Variants in TNK2 observed in about 807,000 individuals in gnomAD.
TNK2 encodes the protein tyrosine kinase non receptor 2.
TNK2 carries 83 observed loss-of-function variants against 101.8 expected under a neutral mutation model. That is an observed-to-expected ratio of 0.82 (90% CI 0.68 to 0.98). TNK2 has a LOEUF of 0.98. Among genes scored for constraint, TNK2 ranks in the 50% least tolerant of loss-of-function variants. TNK2 has a pLI of 0.00. For synonymous variants in TNK2, 804 were observed against 633.0 expected, an observed-to-expected ratio of 1.27 and a Z score of -4.06; for missense variants, 1,665 against 1,483.2, an observed-to-expected ratio of 1.12 and a Z score of -2.01.
chr3:195,892,504 C>T (rs1436193600), intron 1 of TNK2: 24 of 1,533,886 alleles, frequency 1.6e-5, no homozygotes, highest in Non-Finnish European at 1.7e-5. Flanking sequence ...CGCAGCGGGA[C>T]CCCCCCGAGC....
intron 1 of TNK2, among the ~76,000 whole-genome samples, chr3:195,902,013 G>C (rs1049075459): frequency 6.6e-6 from 1 of 152,190 alleles, no homozygotes; most frequent in Admixed American, 6.5e-5. Flanking sequence ...ATTCCACACA[G>C]TGTCACTCCT....
chr3:195,892,070 T>A, intron 1 of TNK2: 1 of 927,710 alleles, frequency 1.1e-6, no homozygotes, highest in Non-Finnish European at 1.3e-6. Context: ...GCCTCCCCTC[T>A]AAGTCCCCCT....
chr3:195,864,811 G>A (rs1441966254), intron 15 of TNK2, among the ~76,000 whole-genome samples: 1 of 135,216 alleles, frequency 7.4e-6, no homozygotes, highest in African/African-American at 2.8e-5. Context: ...CAGGTGACAC[G>A]GAGTGCCTGC....
rs772897441 is a variant in TNK2 at position 195,872,463 on chromosome 3, T to A, written c.1264A>T (p.Asn422Tyr). 2 of 1,591,810 alleles carry A rather than the reference T, an allele frequency of 1.3e-6. No homozygotes were observed. Among genetic ancestry groups the A allele is most frequent in the African/African-American group, 2.7e-5 (2 of 74,510 alleles). ...VITVIEGRAE[N>Y]YWWRGQNTRT... ...GTGTTCTGGCCACGCCACCAGTAGT[T>A]CTCGGCCCTGCGCGACAGAGATGGC... is the stretch of plus-strand genomic sequence containing the variant. The change falls in exon 10 of 16, where the codon AAC becomes TAC. Residue 422 changes from asparagine (N) to tyrosine (Y), a missense_variant. Around this residue, in one of 3 missense-constraint regions of TNK2, gnomAD observed 39 missense variants for 65.8 expected, o/e 0.59. Transcript: ENST00000672887.
intron 9 of TNK2, among the ~76,000 whole-genome samples, chr3:195,877,904 G>T (rs1442496524): frequency 1.3e-5 from 2 of 152,006 alleles, no homozygotes; most frequent in African/African-American, 4.8e-5. Context: ...GTGCCAGGAA[G>T]AAGCAGGGAG....
chr3:195,886,627 G>T lies in TNK2; in HGVS notation c.234+350C>A, dbSNP rs1277120837. Among the ~76,000 whole-genome samples, 8 of 152,138 alleles carry T rather than the reference G, an allele frequency of 5.3e-5. No individual in the cohort carries two copies. Among genetic ancestry groups the T allele is most frequent in the Non-Finnish European group, 1.2e-4 (8 of 68,018 alleles). On this transcript the variant is annotated intron_variant, in intron 3 of 15. Coordinates refer to ENST00000672887, the MANE Select transcript of TNK2 (RefSeq NM_001382273.1). The surrounding 1 kb of genome is among the most constrained non-coding windows in gnomAD (Gnocchi z 4.2). ...AGCAAAGACGTTCTGGGTCCAGACA[G>T]GTCCACCACCCCACGCTGGACACTG...
At chr3:195,892,033 C>T (rs1483098523) in intron 1 of TNK2, 40 of 1,035,406 alleles carry the variant, frequency 3.9e-5, no homozygotes, top group Non-Finnish European at 4.5e-5. Context: ...GTCAGGGTCT[C>T]AGTCCAGGGT....
intron 1 of TNK2, among the ~76,000 whole-genome samples, chr3:195,891,379 C>T (rs981563511): frequency 6.6e-6 from 1 of 152,264 alleles, no homozygotes; most frequent in African/African-American, 2.4e-5. Context: ...GCACTCCAGC[C>T]TGGGCAACAA....
chr3:195,866,766 C>A (rs2149197451), intron 15 of TNK2, 123 bp downstream of exon 15: 1 of 1,396,598 alleles, frequency 7.2e-7, no homozygotes, highest in South Asian at 1.4e-5. Context: ...CCTCCCGCAG[C>A]TGGAGAGCTG....
In TNK2 at chr3:195,870,632, G is replaced by C. The variant is rs115004961; in HGVS notation, c.1452-427C>G. ...CACCCTTCTGCCACATGGCCAGGAG[G>C]TGCGGGAGAGGCTGGGCCACCTGTC... On this transcript the variant is annotated intron_variant, in intron 10 of 15. Coordinates refer to ENST00000672887, the MANE Select transcript of TNK2 (RefSeq NM_001382273.1). Among the ~76,000 whole-genome samples the C allele has an allele frequency of 2.3e-3, 347 of 152,366 alleles. 2 individuals are homozygous for C. The highest frequency in any genetic ancestry group is 7.7e-3 in the African/African-American group (319 of 41,594).
chr3:195,901,132 C>G (rs1761162022), intron 1 of TNK2, among the ~76,000 whole-genome samples: 1 of 152,166 alleles, frequency 6.6e-6, no homozygotes, highest in Admixed American at 6.5e-5. Flanking sequence ...AGAGAAATGT[C>G]CGGTGCTTCA....
At chr3:195,873,981 G>T (rs552014623) in intron 9 of TNK2, among the ~76,000 whole-genome samples, 1 of 152,122 alleles carries the variant, frequency 6.6e-6, no homozygotes, top group African/African-American at 2.4e-5. Context: ...ACCCCGAGAC[G>T]AGACGAGTCC....
chr3:195,867,482 G>A lies in TNK2; in HGVS notation c.2816C>T (p.Ser939Phe), dbSNP rs1322623859. 1.9e-6 allele frequency: 3 copies of A among 1,577,418 alleles called. No homozygotes were observed. Among genetic ancestry groups the A allele is most frequent in the Non-Finnish European group, 2.6e-6 (3 of 1,169,654 alleles). ...QAALDPKANF[S>F]TNNSNPGARP... Reference sequence around the variant, plus strand: ...GGCCCCTGGGTTGCTGTTGTTGGTGGAGAAGTTGGCCTTGGGGTCCAAGGC... The same window carrying A: ...GGCCCCTGGGTTGCTGTTGTTGGTGAAGAAGTTGGCCTTGGGGTCCAAGGC... Residue 939 changes from serine to phenylalanine, a missense_variant, in exon 13 of 16, where the codon TCC (serine) becomes TTC (phenylalanine). Around this residue, in one of 3 missense-constraint regions of TNK2, gnomAD observed 1,136 missense variants for 894.9 expected, o/e 1.27. Transcript: ENST00000672887.
At chr3:195,891,956 G>T in intron 1 of TNK2, 1 of 992,718 alleles carries the variant, frequency 1.0e-6, no homozygotes, top group Non-Finnish European at 1.2e-6. Context: ...CAGCAACAGC[G>T]CAGCTCTGCA....
intron 9 of TNK2, among the ~76,000 whole-genome samples, chr3:195,873,673 C>A (rs1039931110): frequency 6.6e-6 from 1 of 152,172 alleles, no homozygotes; most frequent in African/African-American, 2.4e-5. Context: ...CCAGCCAGGC[C>A]GGGGAGAGAG....
At position 195,881,546 on chromosome 3, in the gene TNK2, A is replaced by G. The variant is rs181406275; in HGVS notation, c.887+505T>C. Among the ~76,000 whole-genome samples the G allele has an allele frequency of 2.5e-3, 155 of 62,788 alleles. 7 individuals carry two copies. The East Asian group carries it at 0.039, about 16-fold the overall frequency. The allele number at this position is 62,788 out of a possible 152,430, so 41.2% of individuals were successfully genotyped here. On this transcript the variant is annotated intron_variant, in intron 6 of 15. Coordinates refer to ENST00000672887, the MANE Select transcript of TNK2 (RefSeq NM_001382273.1). Reference sequence around the variant, plus strand: ...CTATCCCTGTAACACCCCCCCCAGCAATGCCCCTTGAAGAGGACACAGCAT... The same window carrying G: ...CTATCCCTGTAACACCCCCCCCAGCGATGCCCCTTGAAGAGGACACAGCAT...
chr3:195,868,843 G>C (rs1742765556), intron 12 of TNK2, 134 bp from the exon 13 acceptor site: 2 of 1,108,566 alleles, frequency 1.8e-6, no homozygotes, highest in Admixed American at 3.2e-5. Context: ...GAGGTCTGAG[G>C]TCAGCCACCG....
intron 12 of TNK2, 91 bp from the exon 13 acceptor site, chr3:195,868,800 T>TC (rs1437311784): frequency 5.0e-6 from 7 of 1,401,022 alleles, no homozygotes; most frequent in Non-Finnish European, 6.5e-6. Context: ...AAGCCAAGTG[T>TC]CCCCCAGCAA....
At chr3:195,893,319 G>A (rs1219734491) in intron 1 of TNK2, among the ~76,000 whole-genome samples, 2 of 152,020 alleles carry the variant, frequency 1.3e-5, no homozygotes, top group African/African-American at 4.8e-5. Flanking sequence ...CCAAGAGCAA[G>A]GGTAGGGTGG....
Sources: allele counts gnomAD v4.1 joint callset (sites outside exome capture counted in the v4.1 genomes callset), GRCh38; gene constraint gnomAD v4.1.1; regional missense constraint gnomAD v4.1.1; non-coding constraint Gnocchi (gnomAD v3.1); transcripts MANE v1.5; gene names NCBI Gene and HGNC (gene_info 2026-07-23, HGNC 2026-07-21).